RACK1: variants seen among roughly 807,000 people sequenced by gnomAD.
RACK1 encodes receptor for activated C kinase 1, also known as small ribosomal subunit protein RACK1.
A neutral mutation model predicts 42.2 loss-of-function variants in RACK1; 3 were observed. That is an observed-to-expected ratio of 0.07 (90% CI 0.03 to 0.18). The LOEUF (loss-of-function observed/expected upper bound fraction) is 0.18, where lower values mean the gene tolerates loss of function less well. Among genes scored for constraint, RACK1 ranks in the 10% least tolerant of loss-of-function variants. The probability of loss-of-function intolerance (pLI) is 1.00; values close to 1 mark genes in which losing one functional copy is unlikely to be tolerated. For missense variants in RACK1, 146 were observed against 403.2 expected (o/e 0.36, Z 5.46); for synonymous variants, 181 against 154.8 (o/e 1.17, Z -1.25).
At chr5:181,238,062 G>A in intron 6 of RACK1, 37 bp downstream of exon 6, 1 of 1,609,160 alleles carries the variant, frequency 6.2e-7, no homozygotes, top group Non-Finnish European at 8.5e-7. Context: ...GGCTCAGAGT[G>A]CAGCCAGGTA....
At chr5:181,243,655 T>C (rs1463151457) in intron 1 of RACK1, 37 bp downstream of exon 1, 1 of 1,558,198 alleles carries the variant, frequency 6.4e-7, no homozygotes, top group Middle Eastern at 1.7e-4. Context: ...CCCCCAGCCC[T>C]GCAATCTCGG....
In RACK1 at chr5:181,237,699, A is replaced by G. The variant is rs1374176644; in HGVS notation, c.798T>C (p.Ile266=). The G allele has an allele frequency of 6.2e-7, 1 of 1,606,264 alleles. No individual in the cohort carries two copies. Among genetic ancestry groups the G allele is most frequent in the African/African-American group, 1.3e-5 (1 of 74,892 alleles). ...IKIWDLEGKI[I]VDELKQEVIS... is the part of the protein sequence containing the mutation. ...TAACTTCTTGCTTCAGTTCATCTAC[A>G]ATGATCTTTCCCTCTAAATCCTGGG... is the stretch of plus-strand genomic sequence containing the variant. Residue 266 remains isoleucine (I), a synonymous_variant, in exon 7 of 8, where the codon ATT becomes ATC. Transcript: ENST00000512805.
At position 181,238,109 on chromosome 5, in the gene RACK1, A is replaced by G. The variant is rs1759208563; in HGVS notation, c.767T>C (p.Ile256Thr). Reference protein sequence around the residue: ...YWLCAATGPSIKIWDLEGKII... With the variant: ...YWLCAATGPSTKIWDLEGKII... ...GTAACCCACACTCACCCAGATCTTGATGCTGGGGCCTGTGGCAGCACACAG... is the reference window on the plus strand; with the variant it reads ...GTAACCCACACTCACCCAGATCTTGGTGCTGGGGCCTGTGGCAGCACACAG... The change falls in exon 6 of 8, where the codon ATC becomes ACC. Residue 256 changes from isoleucine (I) to threonine (T), a missense_variant. Transcript: ENST00000512805. The G allele has an allele frequency of 1.2e-6, 2 of 1,614,162 alleles. No homozygotes were observed. The highest frequency in any genetic ancestry group is 1.7e-6 in the Non-Finnish European group (2 of 1,180,004).
At position 181,241,573 on chromosome 5, in the gene RACK1, G is replaced by A. The variant is rs1342162501; in HGVS notation, c.348C>T (p.Asp116=). 1.9e-6 allele frequency: 3 copies of A among 1,614,066 alleles called. No individual in the cohort carries two copies. The highest frequency in any genetic ancestry group is 2.2e-5 in the South Asian group (2 of 91,078). The change falls in exon 3 of 8, where the codon GAC becomes GAT. Residue 116 remains aspartate, a synonymous_variant. Coordinates refer to ENST00000512805, the MANE Select transcript of RACK1 (RefSeq NM_006098.5). ...KDVLSVAFSS[D]NRQIVSGSRD... ...GAGATCCAGAGACAATCTGCCGGTTGTCAGAGGAGAAGGCCACACTCAGCA... is the reference window on the plus strand; with the variant it reads ...GAGATCCAGAGACAATCTGCCGGTTATCAGAGGAGAAGGCCACACTCAGCA...
At position 181,242,361 on chromosome 5, in the gene RACK1, CAG is replaced by C. The variant is rs1020971589; in HGVS notation, c.110-18_110-17del. The C allele has an allele frequency of 1.3e-6, 2 of 1,594,650 alleles. No homozygotes were observed. Among genetic ancestry groups the C allele is most frequent in the African/African-American group, 1.3e-5 (1 of 74,386 alleles). On this transcript the variant is annotated splice_polypyrimidine_tract_variant and intron_variant, in intron 1 of 7. Transcript: ENST00000512805. ...ATGGTCTTATCTAAAGGAGGTAAAA[CAG>C]AAGAAAAATCAGTGAGGAACCCGCA...
chr5:181,239,262 T>G, intron 4 of RACK1, 85 bp from the exon 5 acceptor site: 1 of 902,656 alleles, frequency 1.1e-6, no homozygotes, highest in Non-Finnish European at 1.9e-6. Context: ...TTGGCACTTC[T>G]GGATACGGTA....
At chr5:181,238,843 A>C (rs78926976) in intron 5 of RACK1, 124 of 555,260 alleles carry the variant, frequency 2.2e-4, no homozygotes, top group Middle Eastern at 8.7e-4. Flanking sequence ...AACAAAAAAA[A>C]CCCACAGGCT....
rs990038496 is a variant in RACK1, at chr5:181,241,759, C to T, written c.282-120G>A. ...CACTCATACAACCCTGGATTTGGCT[C>T]TGATCACAGAGTCAAGTGACTGAGT... On this transcript the variant is annotated intron_variant, in intron 2 of 7. Transcript: ENST00000512805. 9 of 1,110,214 alleles carry T rather than the reference C, an allele frequency of 8.1e-6. No individual in the cohort carries two copies. In the African/African-American group the frequency reaches 1.1e-4, roughly 13 times the overall value. 68.8% of individuals were successfully genotyped at this position (1,110,214 alleles called of 1,614,324 possible).
In RACK1 at chr5:181,242,193, G is replaced by T; in HGVS notation, c.262C>A (p.Arg88Ser). Residue 88 changes from arginine (R) to serine (S), a missense_variant, in exon 2 of 8, where the codon CGC (arginine) becomes AGC (serine). Transcript: ENST00000512805. ...ACTTGCGTTGTGAGATCCCAGAGGC[G>T]CAGGGTTCCATCCCAGGAGCCTGAG... ...ALSGSWDGTLRLWDLTTGTTT... is the reference protein window; with the variant it reads ...ALSGSWDGTLSLWDLTTGTTT... The T allele has an allele frequency of 6.2e-7, 1 of 1,612,944 alleles. No homozygotes were observed. Among genetic ancestry groups the T allele is most frequent in the Admixed American group, 1.7e-5 (1 of 59,872 alleles).
At chr5:181,238,684 C>T in intron 5 of RACK1, 4 of 361,804 alleles carry the variant, frequency 1.1e-5, no homozygotes, top group South Asian at 8.7e-5. Context: ...TGCCTGTAAT[C>T]CTAGCTACTC....
At position 181,241,124 on chromosome 5, in the gene RACK1, GAA is replaced by G. The variant is rs34883535; in HGVS notation, c.429+366_429+367del. 6.5e-3 allele frequency: 868 copies of G among 133,712 alleles called. 7 individuals are homozygous for G. The highest frequency in any genetic ancestry group is 0.02 in the African/African-American group (691 of 34,914). The allele number at this position is 133,712 out of a possible 1,614,324, so 8.3% of individuals were successfully genotyped here. ...GGGGAACAAGCGAAACTGTCTCCGA[GAA>G]AAAAAAAAAAAAAGGCAAAGATAGG... On this transcript the variant is annotated intron_variant, in intron 3 of 7. Coordinates refer to ENST00000512805, the MANE Select transcript of RACK1 (RefSeq NM_006098.5).
intron 2 of RACK1, 106 bp downstream of exon 2, chr5:181,242,068 G>A: frequency 2.9e-6 from 3 of 1,024,696 alleles, no homozygotes; most frequent in Non-Finnish European, 4.5e-6. Context: ...CTGCTTTCCA[G>A]TTCCCAAATG....
In RACK1 at chr5:181,237,584, CACCTGAGAGG is replaced by C; in HGVS notation, c.888+15_888+24del. On this transcript the variant is annotated intron_variant, in intron 7 of 7. Transcript: ENST00000512805. Reference sequence around the variant, plus strand: ...GGAGAAAATTAACTGGAAGCAGAATCACCTGAGAGGACAGACCCACTTACCTGGCCATCAG... The same window carrying C: ...GGAGAAAATTAACTGGAAGCAGAATCACAGACCCACTTACCTGGCCATCAG... 1 of 1,158,694 alleles carries C rather than the reference CACCTGAGAGG, an allele frequency of 8.6e-7. No homozygotes were observed. Among genetic ancestry groups the C allele is most frequent in the Non-Finnish European group, 1.3e-6 (1 of 763,724 alleles). 71.8% of individuals were successfully genotyped at this position (1,158,694 alleles called of 1,614,324 possible). A position where few individuals can be genotyped will look rare whatever the true frequency, so the allele number is the denominator to read the frequency against.
At chr5:181,237,503 A>T in intron 7 of RACK1, 106 bp downstream of exon 7, 1 of 734,624 alleles carries the variant, frequency 1.4e-6, no homozygotes, top group Non-Finnish European at 2.5e-6. Context: ...ATTTCACTTT[A>T]TGCCAAGGAC....
At chr5:181,243,581 C>A (rs1759440122) in intron 1 of RACK1, 111 bp downstream of exon 1, 1 of 1,440,388 alleles carries the variant, frequency 6.9e-7, no homozygotes, top group South Asian at 1.3e-5. Context: ...TGTCAGTCCC[C>A]GCCAACTCGC....
At chr5:181,242,627 G>A in intron 1 of RACK1, 2 of 478,076 alleles carry the variant, frequency 4.2e-6, no homozygotes, top group Non-Finnish European at 8.1e-6. Flanking sequence ...GCATGATCTC[G>A]GCTCACTCCA....
chr5:181,241,778 A>G (rs1321681642), intron 2 of RACK1, 139 bp from the exon 3 acceptor site: 1 of 918,890 alleles, frequency 1.1e-6, no homozygotes, highest in Non-Finnish European at 1.8e-6. Flanking sequence ...GAGTCAAGTG[A>G]CTGAGTATAT....
Position 181,241,569 on chromosome 5 carries a change from G to T in RACK1, c.352C>A (p.Arg118=). 1 of 1,613,900 alleles carries T rather than the reference G, an allele frequency of 6.2e-7. No individual in the cohort carries two copies. Among genetic ancestry groups the T allele is most frequent in the Non-Finnish European group, 8.5e-7 (1 of 1,179,846 alleles). ...VLSVAFSSDN[R]QIVSGSRDKT... is the part of the protein sequence containing the mutation. The stretch of plus-strand genomic sequence containing the variant: ...TCTCGAGATCCAGAGACAATCTGCC[G>T]GTTGTCAGAGGAGAAGGCCACACTC... The change falls in exon 3 of 8, where the codon CGG becomes AGG. Residue 118 remains arginine, a synonymous_variant. Coordinates refer to ENST00000512805, the MANE Select transcript of RACK1 (RefSeq NM_006098.5).
chr5:181,238,063 CA>C (rs762648527), intron 6 of RACK1, 35 bp downstream of exon 6: 24 of 1,609,370 alleles, frequency 1.5e-5, no homozygotes, highest in Non-Finnish European at 2.0e-5. Context: ...GCTCAGAGTG[CA>C]GCCAGGTACC....
Sources: gnomAD v4.1 joint callset for allele counts on GRCh38, gnomAD v4.1.1 for gene constraint, MANE v1.5 for transcripts, NCBI Gene and HGNC (gene_info 2026-07-23, HGNC 2026-07-21) for gene names.